The following AEBP2 variants were observed in gnomAD, a reference collection of about 807,000 sequenced individuals.
The protein encoded by AEBP2 is AE binding protein 2.
A neutral mutation model predicts 50.8 loss-of-function variants in AEBP2; 10 were observed. The observed-to-expected ratio is 0.20, with a 90% CI of 0.12 to 0.33. The LOEUF is 0.33. Among genes scored for constraint, AEBP2 ranks in the 10% least tolerant of loss-of-function variants. AEBP2 has a pLI of 1.00. For synonymous variants in AEBP2, 296 were observed against 261.3 expected, an observed-to-expected ratio of 1.13 and a Z score of -1.28; for missense variants, 570 against 688.0, an observed-to-expected ratio of 0.83 and a Z score of 1.92.
At chr12:19,415,110 G>A (rs994859881) in intron 1 of AEBP2, among the ~76,000 whole-genome samples, 16 of 150,244 alleles carry the variant, frequency 1.1e-4, no homozygotes, top group Non-Finnish European at 2.1e-4. Context: ...AGGAGTTCAA[G>A]ACAGTCCTGG....
At chr12:19,466,414 G>A (rs1002691705) in intron 2 of AEBP2, among the ~76,000 whole-genome samples, 1 of 152,038 alleles carries the variant, frequency 6.6e-6, no homozygotes, top group Non-Finnish European at 1.5e-5. Context: ...TCGTGCCACC[G>A]CACTCCAGCC....
intron 1 of AEBP2, among the ~76,000 whole-genome samples, chr12:19,443,594 A>G (rs895203589): frequency 3.3e-5 from 5 of 151,954 alleles, no homozygotes; most frequent in African/African-American, 9.7e-5. Context: ...ATGGTGGTGC[A>G]GGCATGTAAT....
At chr12:19,441,789 G>A (rs1438780400) in intron 1 of AEBP2, among the ~76,000 whole-genome samples, 2 of 152,150 alleles carry the variant, frequency 1.3e-5, no homozygotes, top group East Asian at 3.8e-4. Flanking sequence ...GCACAATGAA[G>A]CATGTGCTAT....
Position 19,518,135 on chromosome 12 carries a change from A to G in AEBP2, c.*18A>G. 1 of 1,591,488 alleles carries G rather than the reference A, an allele frequency of 6.3e-7. No individual in the cohort carries two copies. Among genetic ancestry groups the G allele is most frequent in the Non-Finnish European group, 8.6e-7 (1 of 1,168,470 alleles). ...AGAGGTAAAAAATAAATAAATACATAAAAAGCAAACAAGCGGGGACACCTG... is the reference window on the plus strand; with the variant it reads ...AGAGGTAAAAAATAAATAAATACATGAAAAGCAAACAAGCGGGGACACCTG... On this transcript the variant is annotated 3_prime_UTR_variant, in exon 8 of 8. Transcript: ENST00000266508.
intron 3 of AEBP2, among the ~76,000 whole-genome samples, chr12:19,480,685 G>A (rs7967539): frequency 6.6e-6 from 1 of 152,136 alleles, no homozygotes; most frequent in African/African-American, 2.4e-5. Flanking sequence ...TTCTTTATAG[G>A]TTATCTGATG....
intron 1 of AEBP2, among the ~76,000 whole-genome samples, chr12:19,412,108 G>GT (rs2095739524): frequency 6.6e-6 from 1 of 152,218 alleles, no homozygotes; most frequent in South Asian, 2.1e-4. Flanking sequence ...CAGCAGGGCT[G>GT]TATCTGTCCG....
intron 1 of AEBP2, among the ~76,000 whole-genome samples, chr12:19,410,984 A>G (rs1008151910): frequency 5.3e-5 from 8 of 152,170 alleles, no homozygotes; most frequent in South Asian, 4.1e-4. Flanking sequence ...CTTAACTTCC[A>G]TATCAATGGC....
At chr12:19,505,527 A>C (rs1383095017) in intron 5 of AEBP2, among the ~76,000 whole-genome samples, 1 of 152,360 alleles carries the variant, frequency 6.6e-6, no homozygotes, top group East Asian at 1.9e-4. Context: ...AAGCCATTCA[A>C]TTATTAGTGG....
intron 3 of AEBP2, among the ~76,000 whole-genome samples, chr12:19,491,052 A>T (rs1948889345): frequency 6.6e-6 from 1 of 152,232 alleles, no homozygotes; most frequent in Non-Finnish European, 1.5e-5. Context: ...AACCATATTT[A>T]AAGTGTTGAG....
chr12:19,432,563 A>G (rs1242417539), intron 1 of AEBP2, among the ~76,000 whole-genome samples: 1 of 152,008 alleles, frequency 6.6e-6, no homozygotes, highest in Non-Finnish European at 1.5e-5. Flanking sequence ...GCATGATGGC[A>G]TGCACCTGTA....
At chr12:19,459,922 C>CA (rs1380310188) in intron 1 of AEBP2, among the ~76,000 whole-genome samples, 1 of 152,052 alleles carries the variant, frequency 6.6e-6, no homozygotes, top group Non-Finnish European at 1.5e-5. Context: ...TCTGCCGCTA[C>CA]AAAAAAATAG....
chr12:19,446,559 C>T (rs1485452163), intron 1 of AEBP2, among the ~76,000 whole-genome samples: 1 of 152,062 alleles, frequency 6.6e-6, no homozygotes, highest in African/African-American at 2.4e-5. Context: ...GAAACCCCGT[C>T]TCTACTAAAA....
At position 19,522,124 on chromosome 12, in the gene AEBP2, C is replaced by G. The variant is rs1297827991; in HGVS notation, c.*4007C>G. ...GGGATTTTGGTTAAAACATATTTCTCTATTCTAAAAATTACAGAATATGTA... is the reference window on the plus strand; with the variant it reads ...GGGATTTTGGTTAAAACATATTTCTGTATTCTAAAAATTACAGAATATGTA... On this transcript the variant is annotated 3_prime_UTR_variant, in exon 8 of 8. Coordinates refer to ENST00000266508, the MANE Select transcript of AEBP2 (RefSeq NM_153207.5). 6.6e-6 allele frequency: 1 copy of G among 151,402 alleles called. No homozygotes were observed. Among genetic ancestry groups the G allele is most frequent in the African/African-American group, 2.4e-5 (1 of 41,222 alleles). 9.4% of individuals were successfully genotyped at this position (151,402 alleles called of 1,614,324 possible). A position where few individuals can be genotyped will look rare whatever the true frequency, so the allele number is the denominator to read the frequency against.
At chr12:19,472,717 A>C (rs765764739) in intron 2 of AEBP2, among the ~76,000 whole-genome samples, 1 of 152,184 alleles carries the variant, frequency 6.6e-6, no homozygotes, top group Non-Finnish European at 1.5e-5. Context: ...TGCATGTGAG[A>C]CCAGGATATC....
At chr12:19,422,744 T>C (rs1049331891) in intron 1 of AEBP2, among the ~76,000 whole-genome samples, 8 of 152,130 alleles carry the variant, frequency 5.3e-5, no homozygotes, top group Non-Finnish European at 1.0e-4. Flanking sequence ...CACAGTCTGA[T>C]AACTCTTGTG....
intron 3 of AEBP2, among the ~76,000 whole-genome samples, chr12:19,488,391 G>T (rs189915857): frequency 5.8e-4 from 87 of 150,992 alleles, no homozygotes; most frequent in African/African-American, 2.0e-3. Context: ...GCCTCCCAAA[G>T]TGTTGGAATT....
At position 19,489,990 on chromosome 12, in the gene AEBP2, CTTTTTTTTTTTT is replaced by C. The variant is rs71067029; in HGVS notation, c.988-3796_988-3785del. ...CTGAATCATTGATAATTAAAATAAA[CTTTTTTTTTTTT>C]TTTTTTTTTTTTTGCATGGGGGAGG... On this transcript the variant is annotated intron_variant, in intron 3 of 7. Coordinates refer to ENST00000266508, the MANE Select transcript of AEBP2 (RefSeq NM_153207.5). 5.1e-3 allele frequency among the ~76,000 whole-genome samples: 242 copies of C among 47,722 alleles called. 3 individuals carry two copies. Among genetic ancestry groups the C allele is most frequent in the Admixed American group, 0.018 (52 of 2,958 alleles). The allele number at this position is 47,722 out of a possible 152,430, so 31.3% of individuals were successfully genotyped here. A position where few individuals can be genotyped will look rare whatever the true frequency, so the allele number is the denominator to read the frequency against.
intron 7 of AEBP2, among the ~76,000 whole-genome samples, chr12:19,517,315 T>TACTC (rs1163014575): frequency 8.4e-4 from 128 of 152,330 alleles, no homozygotes; most frequent in African/African-American, 2.9e-3. Flanking sequence ...AAAATAGATA[T>TACTC]ATTCCTTCAA....
intron 2 of AEBP2, among the ~76,000 whole-genome samples, chr12:19,472,395 G>C (rs1478747720): frequency 6.6e-6 from 1 of 152,148 alleles, no homozygotes; most frequent in East Asian, 1.9e-4. Context: ...TGTTTGGTTT[G>C]ATGGAAATAG....
Sources: allele counts gnomAD v4.1 joint callset (sites outside exome capture counted in the v4.1 genomes callset), GRCh38; gene constraint gnomAD v4.1.1; transcripts MANE v1.5; gene names NCBI Gene and HGNC (gene_info 2026-07-23, HGNC 2026-07-21).